The following CACNA1C variants were observed in gnomAD, a reference collection of about 807,000 sequenced individuals.
The protein encoded by CACNA1C is voltage-dependent L-type calcium channel subunit alpha-1C.
Under a neutral mutation model 229.0 loss-of-function variants are expected in CACNA1C, and 30 were observed. The ratio of observed to expected loss-of-function variants is 0.13; its 90% confidence interval spans 0.10 to 0.18. CACNA1C has a LOEUF of 0.18. Ranked by LOEUF, CACNA1C falls within the 10% of genes least tolerant of loss-of-function variation. The pLI is 1.00. For synonymous variants in CACNA1C, 1,114 were observed against 1,132.5 expected, an observed-to-expected ratio of 0.98 and a Z score of 0.33; for missense variants, 1,658 against 2,845.0, an observed-to-expected ratio of 0.58 and a Z score of 9.49.
At chr12:2,599,878 A>G (rs568685924) in intron 21 of CACNA1C, among the ~76,000 whole-genome samples, 6 of 152,224 alleles carry the variant, frequency 3.9e-5, no homozygotes, top group Admixed American at 1.3e-4. Flanking sequence ...CCCTGCCTGG[A>G]TGCATGTTCC....
At position 2,449,132 on chromosome 12, in the gene CACNA1C, G is replaced by A. The variant is rs1544515; in HGVS notation, c.617+17G>A. 0.25 allele frequency: 379,297 copies of A among 1,503,642 alleles called. 48,977 individuals carry two copies. Among genetic ancestry groups the A allele is most frequent in the African/African-American group, 0.32 (23,073 of 71,066 alleles). 93.1% of individuals were successfully genotyped at this position (1,503,642 alleles called of 1,614,324 possible). The stretch of plus-strand genomic sequence containing the variant: ...GGTTGTGGGGTAAGTATCACTGTCT[G>A]TTTCTTTCCCTTTATCTTACCAGTG... On this transcript the variant is annotated intron_variant, in intron 4 of 46. Transcript: ENST00000399655.
chr12:2,278,487 A>G (rs1357793498), intron 3 of CACNA1C, among the ~76,000 whole-genome samples: 2 of 152,186 alleles, frequency 1.3e-5, no homozygotes, highest in Non-Finnish European at 2.9e-5. Context: ...TTTTATATCA[A>G]TGAAGTCATA....
chr12:2,088,112 C>T (rs184420771), intron 1 of CACNA1C, among the ~76,000 whole-genome samples: 10 of 152,350 alleles, frequency 6.6e-5, no homozygotes, highest in African/African-American at 9.6e-5. Flanking sequence ...ATGTTTCTAA[C>T]ACGCTTCAGA....
At chr12:2,545,305 A>G (rs1020467565) in intron 9 of CACNA1C, among the ~76,000 whole-genome samples, 3 of 151,068 alleles carry the variant, frequency 2.0e-5, no homozygotes, top group Admixed American at 6.6e-5. Flanking sequence ...CAACCATAGA[A>G]TGGTTGACAT....
rs568640492 is a variant in CACNA1C at position 2,616,289 on chromosome 12, C to A, written c.3828+4276C>A. Reference sequence around the variant, plus strand: ...TCCGCTCTCTTTCTGTCTGGGCCTCCTCAGCCCAGCTGCTCCAGCTTCACA... The same window carrying A: ...TCCGCTCTCTTTCTGTCTGGGCCTCATCAGCCCAGCTGCTCCAGCTTCACA... On this transcript the variant is annotated intron_variant, in intron 29 of 46. Transcript: ENST00000399655. Among the ~76,000 whole-genome samples, 3 of 152,360 alleles carry A rather than the reference C, an allele frequency of 2.0e-5. 1 individual carries two copies. In the East Asian group the frequency reaches 5.8e-4, roughly 29 times the overall value.
At chr12:2,113,916 C>T (rs111265461) in intron 1 of CACNA1C, among the ~76,000 whole-genome samples, 1,961 of 152,314 alleles carry the variant, frequency 0.013, 51 homozygotes, top group African/African-American at 0.044. Flanking sequence ...GCTGTCCCTG[C>T]GCAGGTTGGA....
At chr12:2,447,466 A>C (rs548835302) in intron 3 of CACNA1C, among the ~76,000 whole-genome samples, 2 of 152,146 alleles carry the variant, frequency 1.3e-5, no homozygotes, top group African/African-American at 4.8e-5. Context: ...ACACCTGGAA[A>C]TTGTCTACGA....
upstream of CACNA1C, among the ~76,000 whole-genome samples, chr12:2,052,600 G>T (rs2154501141): frequency 1.4e-5 from 2 of 144,864 alleles, no homozygotes; most frequent in Middle Eastern, 7.1e-3. Flanking sequence ...GGCGCGAGGG[G>T]GTGTGTCCGC....
chr12:2,044,537 T>C (rs1220289619), intron 1 of CACNA1C, among the ~76,000 whole-genome samples: 1 of 152,154 alleles, frequency 6.6e-6, no homozygotes, highest in African/African-American at 2.4e-5. Context: ...ACTAGCCAAG[T>C]GTTAATTAGT....
chr12:2,449,485 C>G (rs1383038093), intron 4 of CACNA1C, among the ~76,000 whole-genome samples: 1 of 152,220 alleles, frequency 6.6e-6, no homozygotes, highest in East Asian at 1.9e-4. Context: ...GGGACCCCTC[C>G]CCACCTGGCT....
chr12:2,185,033 A>C (rs1167314429), intron 3 of CACNA1C, among the ~76,000 whole-genome samples: 1 of 151,906 alleles, frequency 6.6e-6, no homozygotes, highest in African/African-American at 2.4e-5. Flanking sequence ...CGCGTGGCTC[A>C]TTGCTCCTGG....
chr12:2,657,390 G>A (rs1402571684), intron 34 of CACNA1C, among the ~76,000 whole-genome samples: 1 of 152,114 alleles, frequency 6.6e-6, no homozygotes, highest in African/African-American at 2.4e-5. Context: ...TTGGGGATAA[G>A]AGTATATACT....
At chr12:2,682,854 CA>C (rs2097217007) in intron 43 of CACNA1C, among the ~76,000 whole-genome samples, 176 bp downstream of exon 43, 2 of 44,958 alleles carry the variant, frequency 4.4e-5, no homozygotes, top group African/African-American at 5.8e-5. Flanking sequence ...CCCCCCAACA[CA>C]CAACACACAC....
chr12:2,204,742 G>A (rs11062154), intron 3 of CACNA1C, among the ~76,000 whole-genome samples: 30,284 of 115,150 alleles, frequency 0.26, 3,847 homozygotes, highest in Non-Finnish European at 0.28. Flanking sequence ...GAATTGAACA[G>A]TGAGATCACA....
chr12:2,451,605 T>C (rs1438686072), intron 4 of CACNA1C, among the ~76,000 whole-genome samples: 1 of 152,114 alleles, frequency 6.6e-6, no homozygotes, highest in Non-Finnish European at 1.5e-5. Flanking sequence ...CCTGCCTGGG[T>C]TGACAGGGAG....
rs73603770 is a variant in CACNA1C, at chr12:2,121,647, G to A, written c.477+1217G>A. On this transcript the variant is annotated intron_variant, in intron 3 of 46. Coordinates refer to ENST00000399655, the MANE Select transcript of CACNA1C (RefSeq NM_000719.7). The stretch of plus-strand genomic sequence containing the variant: ...AGAGTCGGAAGGCAGAGCATCGGCC[G>A]CCGTCCGTGAGGCCATCCGAAGCGT... Among the ~76,000 whole-genome samples, 1,086 of 152,298 alleles carry A rather than the reference G, an allele frequency of 7.1e-3. 16 individuals are homozygous for A. The highest frequency in any genetic ancestry group is 0.024 in the African/African-American group (1,017 of 41,564).
chr12:2,236,546 T>A (rs140535193), intron 3 of CACNA1C, among the ~76,000 whole-genome samples: 17 of 152,336 alleles, frequency 1.1e-4, no homozygotes, highest in African/African-American at 4.1e-4. Flanking sequence ...TCCCCCTTTT[T>A]CGTATCTTTG....
chr12:2,523,756 G>T (rs1195310317), intron 9 of CACNA1C, among the ~76,000 whole-genome samples: 1 of 152,182 alleles, frequency 6.6e-6, no homozygotes, highest in Non-Finnish European at 1.5e-5. Flanking sequence ...CTATACACTT[G>T]GGCGTTAAAG....
At chr12:2,198,502 T>A (rs979851307) in intron 3 of CACNA1C, among the ~76,000 whole-genome samples, 2 of 152,184 alleles carry the variant, frequency 1.3e-5, no homozygotes. Flanking sequence ...GTAATCTCCG[T>A]GCGGCACCAT....
Sources: allele counts gnomAD v4.1 joint callset (sites outside exome capture counted in the v4.1 genomes callset), GRCh38; gene constraint gnomAD v4.1.1; transcripts MANE v1.5; gene names NCBI Gene and HGNC (gene_info 2026-07-23, HGNC 2026-07-21).